FTCDNL1: variants seen among roughly 807,000 people sequenced by gnomAD.
The protein encoded by FTCDNL1 is formiminotransferase cyclodeaminase N-terminal like.
Under a neutral mutation model 5.9 loss-of-function variants are expected in FTCDNL1, and 11 were observed. The ratio of observed to expected loss-of-function variants is 1.87; its 90% CI spans 1.18 to 3.10. The LOEUF is 3.10. FTCDNL1 is among the 30% of genes most tolerant of loss of function. The pLI, the probability that FTCDNL1 is intolerant of heterozygous loss-of-function variation, is 0.00. For missense variants in FTCDNL1, 115 were observed against 65.5 expected (o/e 1.76, Z -2.61); for synonymous variants, 58 against 24.8 (o/e 2.34, Z -3.99).
At chr2:199,774,985 A>C (rs1012075363) in intron 3 of FTCDNL1, among the ~76,000 whole-genome samples, 18 of 152,180 alleles carry the variant, frequency 1.2e-4, no homozygotes, top group Admixed American at 1.1e-3. Context: ...ATTTAAGTGC[A>C]TTCCTTCTAC....
the FTCDNL1 span, among the ~76,000 whole-genome samples, chr2:199,703,400 C>A: frequency 6.6e-6 from 1 of 152,064 alleles, no homozygotes; most frequent in Non-Finnish European, 1.5e-5. Flanking sequence ...GATGAGTCAG[C>A]ATGAAAAGAG....
downstream of FTCDNL1, among the ~76,000 whole-genome samples, chr2:199,759,451 T>C (rs1330654311): frequency 2.0e-5 from 3 of 152,156 alleles, no homozygotes; most frequent in Admixed American, 1.3e-4. Flanking sequence ...CCAGCCTCCA[T>C]GACTTCAGAT....
At chr2:199,841,138 G>A (rs887779614) in intron 3 of FTCDNL1, among the ~76,000 whole-genome samples, 36 of 151,630 alleles carry the variant, frequency 2.4e-4, no homozygotes, top group Non-Finnish European at 4.9e-4. Context: ...CCAACCCAGC[G>A]AGATCCTGTC....
chr2:199,815,940 C>A (rs1009548069), intron 4 of FTCDNL1, among the ~76,000 whole-genome samples: 1 of 151,596 alleles, frequency 6.6e-6, no homozygotes, highest in Non-Finnish European at 1.5e-5. Context: ...GCGGAAGTTG[C>A]AGTGAGTTGA....
At position 199,812,050 on chromosome 2, in the gene FTCDNL1, A is replaced by T. The variant is rs1701066680; in HGVS notation, c.*655T>A. On this transcript the variant is annotated 3_prime_UTR_variant, in exon 5 of 5. Coordinates refer to ENST00000420128, the MANE Select transcript of FTCDNL1 (RefSeq NM_001363886.2). ...ATAAAATAAGAGGTAATCACTTAACACAGAATAATCATTTTTCAAACAGAC... is the reference window on the plus strand; with the variant it reads ...ATAAAATAAGAGGTAATCACTTAACTCAGAATAATCATTTTTCAAACAGAC... Among the ~76,000 whole-genome samples, 1 of 152,228 alleles carries T rather than the reference A, an allele frequency of 6.6e-6. No individual in the cohort carries two copies. Among genetic ancestry groups the T allele is most frequent in the African/African-American group, 2.4e-5 (1 of 41,460 alleles).
intron 3 of FTCDNL1, among the ~76,000 whole-genome samples, chr2:199,795,995 G>A (rs1700152227): frequency 6.6e-6 from 1 of 152,106 alleles, no homozygotes; most frequent in South Asian, 2.1e-4. Flanking sequence ...TCTTTGCTAT[G>A]TGGAAAGGAT....
At chr2:199,677,521 G>A in the FTCDNL1 span, among the ~76,000 whole-genome samples, 2 of 152,160 alleles carry the variant, frequency 1.3e-5, no homozygotes, top group East Asian at 1.9e-4. Flanking sequence ...TAGTTTAGAG[G>A]AAGTTGAAAA....
At chr2:199,771,644 T>C (rs2106289168) in intron 3 of FTCDNL1, among the ~76,000 whole-genome samples, 1 of 152,324 alleles carries the variant, frequency 6.6e-6, no homozygotes, top group African/African-American at 2.4e-5. Context: ...AAATGTATTA[T>C]TCATGGTCAT....
chr2:199,735,370 G>A, the FTCDNL1 span, among the ~76,000 whole-genome samples: 8 of 152,144 alleles, frequency 5.3e-5, no homozygotes, highest in Admixed American at 2.0e-4. Context: ...TAGTGAAATA[G>A]ACTCTGTGTT....
Position 199,835,010 on chromosome 2 carries a change from C to CA in FTCDNL1, c.211+11064dup, listed in dbSNP as rs79726610. ...GCAACATAGCAAGACCCTGTCTCTA[C>CA]AAAAAAAAAATTTAAAGATTAGCTG... On this transcript the variant is annotated intron_variant, in intron 3 of 4. Transcript: ENST00000420128. 9.1e-3 allele frequency among the ~76,000 whole-genome samples: 1,355 copies of CA among 148,778 alleles called. 36 individuals are homozygous for CA. Among genetic ancestry groups the CA allele is most frequent in the Admixed American group, 0.059 (877 of 14,982 alleles).
At chr2:199,686,002 G>A in the FTCDNL1 span, among the ~76,000 whole-genome samples, 1 of 152,150 alleles carries the variant, frequency 6.6e-6, no homozygotes, top group African/African-American at 2.4e-5. Flanking sequence ...TTATTATTGA[G>A]AAATGAGTAT....
intron 1 of FTCDNL1, among the ~76,000 whole-genome samples, chr2:199,849,178 G>GT (rs1205428935): frequency 6.6e-6 from 1 of 152,170 alleles, no homozygotes; most frequent in Non-Finnish European, 1.5e-5. Context: ...TATAAACCTT[G>GT]TAACGACACT....
intron 3 of FTCDNL1, among the ~76,000 whole-genome samples, chr2:199,778,724 A>G (rs1288269611): frequency 6.6e-6 from 1 of 152,200 alleles, no homozygotes; most frequent in East Asian, 1.9e-4. Flanking sequence ...TTTCTAATAA[A>G]TGCCTCAAAC....
At chr2:199,722,164 C>A in the FTCDNL1 span, among the ~76,000 whole-genome samples, 1 of 152,118 alleles carries the variant, frequency 6.6e-6, no homozygotes, top group Admixed American at 6.5e-5. Flanking sequence ...GCTTTTGTTG[C>A]AATTGCTTTT....
the FTCDNL1 span, among the ~76,000 whole-genome samples, chr2:199,721,818 C>T: frequency 6.6e-6 from 1 of 152,210 alleles, no homozygotes; most frequent in African/African-American, 2.4e-5. Flanking sequence ...AATCGTCATT[C>T]TGACTGGTGT....
chr2:199,712,648 G>A, the FTCDNL1 span, among the ~76,000 whole-genome samples: 1 of 152,160 alleles, frequency 6.6e-6, no homozygotes, highest in Non-Finnish European at 1.5e-5. Context: ...TTACATCAAG[G>A]GGGCAAGAGG....
the FTCDNL1 span, among the ~76,000 whole-genome samples, chr2:199,719,276 G>A: frequency 6.6e-6 from 1 of 152,072 alleles, no homozygotes; most frequent in African/African-American, 2.4e-5. Context: ...AATTTTCCCA[G>A]CACCACTTAT....
the FTCDNL1 span, among the ~76,000 whole-genome samples, chr2:199,715,838 T>G: frequency 2.6e-5 from 4 of 151,934 alleles, no homozygotes; most frequent in Non-Finnish European, 5.9e-5. Context: ...AAATGGCTAT[T>G]AGAATAAGGG....
intron 3 of FTCDNL1, among the ~76,000 whole-genome samples, chr2:199,761,496 A>T (rs1698269316): frequency 6.6e-6 from 1 of 152,224 alleles, no homozygotes; most frequent in Admixed American, 6.5e-5. Context: ...AGCTGGACAC[A>T]TCTCAGTGAG....
Sources: gnomAD v4.1 joint callset for allele counts (sites outside exome capture counted in the v4.1 genomes callset) on GRCh38, gnomAD v4.1.1 for gene constraint, MANE v1.5 for transcripts, NCBI Gene and HGNC (gene_info 2026-07-23, HGNC 2026-07-21) for gene names.